SPINK2: variants seen among roughly 807,000 people sequenced by gnomAD.
The protein encoded by SPINK2 is serine peptidase inhibitor Kazal type 2, also known as serine protease inhibitor Kazal-type 2.
Under a neutral mutation model 13.5 loss-of-function variants are expected in SPINK2, and 8 were observed. The ratio of observed to expected loss-of-function variants is 0.59; its 90% CI spans 0.35 to 1.07. SPINK2 has a LOEUF of 1.07. Among genes scored for constraint, SPINK2 ranks in the 50% least tolerant of loss-of-function variants. The pLI, the probability that SPINK2 is intolerant of heterozygous loss-of-function variation, is 0.02. For synonymous variants in SPINK2, 76 were observed against 74.7 expected, an observed-to-expected ratio of 1.02 and a Z score of -0.09; for missense variants, 148 against 180.3, an observed-to-expected ratio of 0.82 and a Z score of 1.03.
At chr4:56,811,948 T>C (rs1717019346) in intron 2 of SPINK2, 154 bp from the exon 3 acceptor site, 1 of 327,782 alleles carries the variant, frequency 3.1e-6, no homozygotes, top group Non-Finnish European at 5.4e-6. Flanking sequence ...TTTTTTTTTT[T>C]TTTTTTTTGA....
intron 3 of SPINK2, chr4:56,810,466 G>A (rs1329309375): frequency 4.8e-5 from 16 of 336,762 alleles, no homozygotes; most frequent in Non-Finnish European, 7.5e-5. Context: ...ACTTTGGGAG[G>A]CCAAGGTGGG....
At chr4:56,814,114 G>A (rs533067750) in intron 2 of SPINK2, among the ~76,000 whole-genome samples, 3 of 151,368 alleles carry the variant, frequency 2.0e-5, no homozygotes, top group Admixed American at 1.3e-4. Context: ...AGTAGAGACC[G>A]GCTTTCACCA....
At chr4:56,812,122 CT>C (rs1717036738) in intron 2 of SPINK2, among the ~76,000 whole-genome samples, 2 of 151,334 alleles carry the variant, frequency 1.3e-5, no homozygotes, top group South Asian at 4.2e-4. Flanking sequence ...TCTCGAACTT[CT>C]GACGTCATGA....
intron 2 of SPINK2, 146 bp from the exon 3 acceptor site, chr4:56,811,940 T>TTC (rs546229932): frequency 4.5e-3 from 1,014 of 226,826 alleles, no homozygotes; most frequent in South Asian, 0.039. Flanking sequence ...ATTTTTTCTT[T>TTC]TTTTTTTTTT....
chr4:56,814,727 C>T (rs538544057), intron 2 of SPINK2, among the ~76,000 whole-genome samples: 37 of 151,674 alleles, frequency 2.4e-4, no homozygotes, highest in African/African-American at 8.7e-4. Flanking sequence ...TTTGGGAGGC[C>T]GAGGCAGGTG....
rs1355091543 is a variant in SPINK2 at position 56,811,805 on chromosome 4, GAA to G, written c.250-13_250-12del. The G allele has an allele frequency of 6.4e-6, 10 of 1,565,616 alleles. No individual in the cohort carries two copies. Among genetic ancestry groups the G allele is most frequent in the Non-Finnish European group, 7.9e-6 (9 of 1,142,160 alleles). On this transcript the variant is annotated splice_polypyrimidine_tract_variant and intron_variant, in intron 2 of 3. Transcript: ENST00000506738. Reference sequence around the variant, plus strand: ...CTGAGAGCAGTTTGGCTGGAAAAAAGAAAGAGAGAAATTCGAGAATGACTTGA... The same window carrying G: ...CTGAGAGCAGTTTGGCTGGAAAAAAGAGAGAGAAATTCGAGAATGACTTGA...
chr4:56,820,483 G>C (rs943297009), intron 2 of SPINK2, 53 bp downstream of exon 2: 10 of 1,452,036 alleles, frequency 6.9e-6, no homozygotes, highest in Non-Finnish European at 9.6e-6. Context: ...CCTCCCAAAC[G>C]GTTTTGGGCT....
chr4:56,810,754 G>A (rs1716908971), intron 3 of SPINK2: 1 of 152,294 alleles, frequency 6.6e-6, no homozygotes, highest in Non-Finnish European at 1.5e-5. Flanking sequence ...GGCTGAGTCA[G>A]GAGAATCGCT....
chr4:56,816,884 A>AT (rs1449206681), intron 2 of SPINK2, among the ~76,000 whole-genome samples: 98 of 149,936 alleles, frequency 6.5e-4, no homozygotes, highest in African/African-American at 2.2e-3. Flanking sequence ...TCTCAAAAAA[A>AT]AAAAATAAAA....
intron 2 of SPINK2, among the ~76,000 whole-genome samples, chr4:56,815,073 G>A (rs1417768099): frequency 6.6e-6 from 1 of 151,598 alleles, no homozygotes; most frequent in Non-Finnish European, 1.5e-5. Flanking sequence ...GGACAAGGGT[G>A]AAACTCTGTC....
chr4:56,809,989 A>C lies in SPINK2; in HGVS notation c.*150T>G. 6.6e-7 allele frequency: 1 copy of C among 1,508,882 alleles called. No homozygotes were observed. Among genetic ancestry groups the C allele is most frequent in the Non-Finnish European group, 8.8e-7 (1 of 1,135,566 alleles). The allele number at this position is 1,508,882 out of a possible 1,614,324, so 93.5% of individuals were successfully genotyped here. On this transcript the variant is annotated 3_prime_UTR_variant, in exon 4 of 4. Coordinates refer to ENST00000506738, the MANE Select transcript of SPINK2 (RefSeq NM_001271718.2). ...TTTTCTTTAAATTATCCATCACTAC[A>C]CATGGCTGTCTTCCATACCTGCTCT...
intron 3 of SPINK2, 176 bp from the exon 4 acceptor site, chr4:56,810,360 T>G: frequency 8.0e-6 from 5 of 622,322 alleles, no homozygotes; most frequent in Non-Finnish European, 1.4e-5. Flanking sequence ...AAGTCCCCAC[T>G]CTGTCATTTT....
Position 56,817,110 on chromosome 4 carries a change from G to A in SPINK2, c.249+3426C>T, listed in dbSNP as rs148317373. On this transcript the variant is annotated intron_variant, in intron 2 of 3. Coordinates refer to ENST00000506738, the MANE Select transcript of SPINK2 (RefSeq NM_001271718.2). The stretch of plus-strand genomic sequence containing the variant: ...CCAGCTACTCAGGAGGCTTAGGCAG[G>A]AGAATTGCTTGAACCCAGGAGGCAG... 1.5e-3 allele frequency among the ~76,000 whole-genome samples: 230 copies of A among 152,132 alleles called. 1 individual carries two copies. The highest frequency in any genetic ancestry group is 5.2e-3 in the African/African-American group (217 of 41,500).
chr4:56,816,412 G>A (rs1447645114), intron 2 of SPINK2, among the ~76,000 whole-genome samples: 1 of 151,930 alleles, frequency 6.6e-6, no homozygotes, highest in Admixed American at 6.6e-5. Context: ...ACCACTTTGG[G>A]AGGCCGAGGT....
At chr4:56,820,700 G>A in intron 1 of SPINK2, 121 bp from the exon 2 acceptor site, 1 of 755,304 alleles carries the variant, frequency 1.3e-6, no homozygotes, top group South Asian at 1.8e-5. Flanking sequence ...TGACCTCCCG[G>A]GCTTAAGCGA....
At chr4:56,818,873 T>C (rs1157223650) in intron 2 of SPINK2, among the ~76,000 whole-genome samples, 1 of 152,212 alleles carries the variant, frequency 6.6e-6, no homozygotes, top group Non-Finnish European at 1.5e-5. Flanking sequence ...TGTGAGATGC[T>C]GAAGACTGAG....
rs1429360426 is a variant in SPINK2 at position 56,810,169 on chromosome 4, A to G, written c.375T>C (p.Asn125=). ...LCMKIREGGH[N]IKIIRNGPC is the part of the protein sequence containing the mutation. ...AGGGTCCATTTCGAATGATTTTAAT[A>G]TTATGACCACCTTCCCTGCAAATTG... The change falls in exon 4 of 4, where the codon AAT becomes AAC. Residue 125 remains asparagine, a synonymous_variant. Coordinates refer to ENST00000506738, the MANE Select transcript of SPINK2 (RefSeq NM_001271718.2). 2 of 1,609,680 alleles carry G rather than the reference A, an allele frequency of 1.2e-6. No homozygotes were observed. The highest frequency in any genetic ancestry group is 1.1e-5 in the South Asian group (1 of 90,140).
chr4:56,816,680 T>C (rs1356286041), intron 2 of SPINK2: 1 of 146,916 alleles, frequency 6.8e-6, no homozygotes, highest in Non-Finnish European at 1.5e-5. Context: ...ATATATTTTA[T>C]ATCTATATAT....
intron 3 of SPINK2, chr4:56,810,684 CA>C: frequency 6.6e-6 from 1 of 152,410 alleles, no homozygotes; most frequent in Non-Finnish European, 1.5e-5. Flanking sequence ...CCATCTCTAA[CA>C]AAAATACAAA....
Sources: allele counts gnomAD v4.1 joint callset (sites outside exome capture counted in the v4.1 genomes callset), GRCh38; gene constraint gnomAD v4.1.1; transcripts MANE v1.5; gene names NCBI Gene and HGNC (gene_info 2026-07-23, HGNC 2026-07-21).